The following MYH8 variants were observed in gnomAD, a reference collection of about 807,000 sequenced individuals.
MYH8 encodes the protein myosin-8.
In MYH8, 168 loss-of-function variants were observed where a neutral mutation model predicts 233.2. That is an observed-to-expected ratio of 0.72 (90% CI 0.64 to 0.82). The LOEUF is 0.82. Among genes scored for constraint, MYH8 ranks in the 40% least tolerant of loss-of-function variants. The pLI, the probability that MYH8 is intolerant of heterozygous loss-of-function variation, is 0.00. For missense variants in MYH8, 1,995 were observed against 2,327.8 expected (o/e 0.86, Z 2.94); for synonymous variants, 785 against 850.6 (o/e 0.92, Z 1.34).
At chr17:10,402,056 TC>T (rs1406651253) in intron 22 of MYH8, among the ~76,000 whole-genome samples, 1 of 152,188 alleles carries the variant, frequency 6.6e-6, no homozygotes, top group Non-Finnish European at 1.5e-5. Flanking sequence ...TGGAAAGACC[TC>T]TAAATCGGGC....
In MYH8 at chr17:10,417,665, C is replaced by T. The variant is rs1008730054; in HGVS notation, c.511+980G>A. Among the ~76,000 whole-genome samples the T allele has an allele frequency of 3.9e-5, 6 of 152,260 alleles. No individual in the cohort carries two copies. The highest frequency in any genetic ancestry group is 7.4e-5 in the Non-Finnish European group (5 of 68,024). On this transcript the variant is annotated intron_variant, in intron 5 of 39. Coordinates refer to ENST00000403437, the MANE Select transcript of MYH8 (RefSeq NM_002472.3). The surrounding 1 kb of genome is among the most constrained non-coding windows in gnomAD (Gnocchi z 4.1). The stretch of plus-strand genomic sequence containing the variant: ...GGTGGTGTACATAGCTGTGTAAATG[C>T]AGCTGTTGAGTATTAAAACCTCTGA...
At chr17:10,416,127 C>T (rs1406430291) in intron 5 of MYH8, among the ~76,000 whole-genome samples, 1 of 152,266 alleles carries the variant, frequency 6.6e-6, no homozygotes, top group Non-Finnish European at 1.5e-5. Context: ...TCCTCCCATT[C>T]CCTGGCGCCC....
rs2142189700 is a variant in MYH8 at position 10,415,836 on chromosome 17, G to A, written c.512-128C>T. 9.4e-7 allele frequency: 1 copy of A among 1,063,218 alleles called. No homozygotes were observed. Among genetic ancestry groups the A allele is most frequent in the Non-Finnish European group, 1.4e-6 (1 of 714,850 alleles). The allele number at this position is 1,063,218 out of a possible 1,614,324, so 65.9% of individuals were successfully genotyped here. On this transcript the variant is annotated intron_variant, in intron 5 of 39. Transcript: ENST00000403437. This position sits in a 1 kb window ranked among gnomAD's most constrained non-coding sequence, Gnocchi z 4.1. ...AGATGTCACCTTTGGTTTTGATTTT[G>A]TGTTTATCCTCCAAAATAGCCAATT...
intron 35 of MYH8, 36 bp from the exon 36 acceptor site, chr17:10,393,246 C>T: frequency 1.9e-6 from 3 of 1,613,876 alleles, no homozygotes; most frequent in Non-Finnish European, 2.5e-6. Flanking sequence ...ACAAAATTTG[C>T]AGTTTGCCCT....
chr17:10,400,736 G>C lies in MYH8; in HGVS notation c.3389C>G (p.Ala1130Gly). 1 of 1,614,082 alleles carries C rather than the reference G, an allele frequency of 6.2e-7. No homozygotes were observed. Among genetic ancestry groups the C allele is most frequent in the Non-Finnish European group, 8.5e-7 (1 of 1,180,038 alleles). The change falls in exon 27 of 40, where the codon GCG becomes GGG. Residue 1130 changes from alanine (A) to glycine (G), a missense_variant. Coordinates refer to ENST00000403437, the MANE Select transcript of MYH8 (RefSeq NM_002472.3). This position sits in a 1 kb window ranked among gnomAD's most constrained non-coding sequence, Gnocchi z 4.0. ...ELGEEIEAER[A>G]SRAKAEKQRS... ...CTGCTTCTCCGCTTTGGCTCGGGAC[G>C]CCCTCTCTGCCTCGATTTCTTCCCC...
Position 10,419,985 on chromosome 17 carries a change from A to T in MYH8, c.210+33T>A. ...CTTCAACTTTTGAACCAAGAAATAA[A>T]ATGGGGAGTATTTTCTCCCTGTTTT... On this transcript the variant is annotated intron_variant, in intron 3 of 39. Coordinates refer to ENST00000403437, the MANE Select transcript of MYH8 (RefSeq NM_002472.3). The surrounding 1 kb of genome is among the most constrained non-coding windows in gnomAD (Gnocchi z 4.0). The T allele has an allele frequency of 2.5e-6, 4 of 1,604,706 alleles. No individual in the cohort carries two copies. The South Asian group carries it at 3.3e-5, about 13-fold the overall frequency.
At chr17:10,391,736 G>C (rs2072025548) in intron 39 of MYH8, 146 bp downstream of exon 39, 1 of 715,378 alleles carries the variant, frequency 1.4e-6, no homozygotes, top group African/African-American at 1.8e-5. Flanking sequence ...GGATTTGGCG[G>C]GACAAATTCA....
chr17:10,392,565 G>T lies in MYH8; in HGVS notation c.5545C>A (p.Arg1849=). The T allele has an allele frequency of 6.2e-7, 1 of 1,614,086 alleles. No individual in the cohort carries two copies. The highest frequency in any genetic ancestry group is 8.5e-7 in the Non-Finnish European group (1 of 1,179,964). Residue 1849 remains arginine, a synonymous_variant, in exon 38 of 40, where the codon CGA becomes AGA. Coordinates refer to ENST00000403437, the MANE Select transcript of MYH8 (RefSeq NM_002472.3). ...ACCTGGTAGGTGAGTTCTTTTACTC[G>T]TCGCTCATGTTTCCGTAAACCTTTA... ...AVKGLRKHER[R]VKELTYQTEE...
intron 30 of MYH8, 84 bp downstream of exon 30, chr17:10,398,360 A>T: frequency 6.3e-7 from 1 of 1,599,150 alleles, no homozygotes; most frequent in South Asian, 1.1e-5. Flanking sequence ...AATAAATGTT[A>T]GCTTTTGCTA....
chr17:10,409,692 T>C (rs943450134), intron 15 of MYH8, 104 bp from the exon 16 acceptor site: 7 of 1,457,208 alleles, frequency 4.8e-6, no homozygotes, highest in Non-Finnish European at 5.7e-6. Flanking sequence ...ATTAAATATA[T>C]GTATGAAATA....
In MYH8 at chr17:10,417,771, C is replaced by T. The variant is rs928465898; in HGVS notation, c.511+874G>A. ...AAGAACAGTTTACTGGCATAGAATCCTTGTAGAATTGATGGCCAATTTGTA... is the reference window on the plus strand; with the variant it reads ...AAGAACAGTTTACTGGCATAGAATCTTTGTAGAATTGATGGCCAATTTGTA... On this transcript the variant is annotated intron_variant, in intron 5 of 39. Coordinates refer to ENST00000403437, the MANE Select transcript of MYH8 (RefSeq NM_002472.3). The surrounding 1 kb of genome is among the most constrained non-coding windows in gnomAD (Gnocchi z 4.1). Among the ~76,000 whole-genome samples, 3 of 152,070 alleles carry T rather than the reference C, an allele frequency of 2.0e-5. No homozygotes were observed. Among genetic ancestry groups the T allele is most frequent in the African/African-American group, 7.2e-5 (3 of 41,398 alleles).
chr17:10,409,918 C>T (rs1207345846), intron 15 of MYH8, among the ~76,000 whole-genome samples: 1 of 152,186 alleles, frequency 6.6e-6, no homozygotes, highest in African/African-American at 2.4e-5. Flanking sequence ...ATGAAAATAG[C>T]TTACTGACTT....
chr17:10,394,118 A>G (rs530004475), intron 35 of MYH8, 131 bp downstream of exon 35: 7 of 1,253,934 alleles, frequency 5.6e-6, no homozygotes, highest in Non-Finnish European at 6.8e-6. Context: ...GATAATAGCA[A>G]TGAGTATTTT....
chr17:10,404,303 G>T, intron 22 of MYH8, 27 bp downstream of exon 22: 2 of 1,613,374 alleles, frequency 1.2e-6, no homozygotes, highest in South Asian at 1.1e-5. Flanking sequence ...TCAGTAACAT[G>T]GTGCATTCAG....
chr17:10,416,694 G>C (rs1248561945), intron 5 of MYH8, among the ~76,000 whole-genome samples: 1 of 152,004 alleles, frequency 6.6e-6, no homozygotes, highest in East Asian at 1.9e-4. Flanking sequence ...ATTTATTATG[G>C]AAAATTCAAA....
chr17:10,410,875 A>T lies in MYH8; in HGVS notation c.1489T>A (p.Phe497Ile). The change falls in exon 15 of 40, where the codon TTT (phenylalanine) becomes ATT (isoleucine). Residue 497 changes from phenylalanine (F) to isoleucine (I), a missense_variant. Transcript: ENST00000403437. ...TTGTACTCCTCCTGCTCTAGCACAAACATGTGGTGGTTGAAAAACTGTTGC... is the reference window on the plus strand; with the variant it reads ...TTGTACTCCTCCTGCTCTAGCACAATCATGTGGTGGTTGAAAAACTGTTGC... Reference protein sequence around the residue: ...KLQQFFNHHMFVLEQEEYKKE... With the variant: ...KLQQFFNHHMIVLEQEEYKKE... 3 of 1,613,824 alleles carry T rather than the reference A, an allele frequency of 1.9e-6. No individual in the cohort carries two copies. The highest frequency in any genetic ancestry group is 2.5e-6 in the Non-Finnish European group (3 of 1,179,942).
chr17:10,411,803 ATATAG>A (rs1156871865), intron 14 of MYH8, among the ~76,000 whole-genome samples: 3 of 152,188 alleles, frequency 2.0e-5, no homozygotes, highest in African/African-American at 7.2e-5. Flanking sequence ...CAGGGACCTG[ATATAG>A]TATAGCAGTT....
At chr17:10,404,726 TACACACACAC>T (rs60545187) in intron 21 of MYH8, 141 bp from the exon 22 acceptor site, 8 of 777,514 alleles carry the variant, frequency 1.0e-5, no homozygotes, top group East Asian at 5.7e-5. Flanking sequence ...ATGCAGGCTT[TACACACACAC>T]ACACACACAC....
Position 10,394,427 on chromosome 17 carries a change from G to A in MYH8, c.4988C>T (p.Ala1663Val). Residue 1663 changes from alanine to valine, a missense_variant, in exon 35 of 40, where the codon GCT becomes GTT. Around this residue, in one of 3 missense-constraint regions of MYH8, gnomAD observed 1,498 missense variants for 1,680.9 expected, o/e 0.89. Transcript: ENST00000403437. ...CTTGAGGTCCTCCTGGCCCCGGAGA[G>A]CATCATCCAGGTGGAGCTGGGTTTC... ...LKETQLHLDD[A>V]LRGQEDLKEQ... 1.2e-6 allele frequency: 2 copies of A among 1,614,200 alleles called. No individual in the cohort carries two copies. The highest frequency in any genetic ancestry group is 1.1e-5 in the South Asian group (1 of 91,078).
Sources: allele counts gnomAD v4.1 joint callset (sites outside exome capture counted in the v4.1 genomes callset), GRCh38; gene constraint gnomAD v4.1.1; regional missense constraint gnomAD v4.1.1; non-coding constraint Gnocchi (gnomAD v3.1); transcripts MANE v1.5; gene names NCBI Gene and HGNC (gene_info 2026-07-23, HGNC 2026-07-21).